Variants in WWOX observed in about 807,000 individuals in gnomAD.
The protein encoded by WWOX is WW domain containing oxidoreductase, also known as WW domain-containing oxidoreductase.
In WWOX, 69 loss-of-function variants were observed where a neutral mutation model predicts 46.2. The ratio of observed to expected loss-of-function variants is 1.49; its 90% CI spans 1.23 to 1.82. WWOX has a LOEUF of 1.82. WWOX is among the 40% of genes most tolerant of loss of function. The pLI, the probability that WWOX is intolerant of heterozygous loss-of-function variation, is 0.00. For missense variants in WWOX, 919 were observed against 542.6 expected, an observed-to-expected ratio of 1.69 and a Z score of -6.89; for synonymous variants, 359 against 202.6, an observed-to-expected ratio of 1.77 and a Z score of -6.56.
intron 8 of WWOX, among the ~76,000 whole-genome samples, chr16:78,874,213 G>A (rs138308506): frequency 4.3e-4 from 64 of 149,062 alleles, no homozygotes; most frequent in African/African-American, 1.3e-3. Context: ...CTGAGATGGC[G>A]CCGCTGCACT....
chr16:78,834,333 T>C (rs2051915912), intron 8 of WWOX, among the ~76,000 whole-genome samples: 2 of 152,186 alleles, frequency 1.3e-5, no homozygotes, highest in Non-Finnish European at 2.9e-5. Context: ...AAGGGGTTAA[T>C]TTATAAAGTG....
In WWOX at chr16:79,198,414, C is replaced by G. The variant is rs575355617; in HGVS notation, c.1057-13194C>G. ...AATAAATCCTCCCGCTTTTTTTGCTCCTTCATGGGTATGGCTGCATCCTCT... is the reference window on the plus strand; with the variant it reads ...AATAAATCCTCCCGCTTTTTTTGCTGCTTCATGGGTATGGCTGCATCCTCT... On this transcript the variant is annotated intron_variant, in intron 8 of 8. Coordinates refer to ENST00000566780, the MANE Select transcript of WWOX (RefSeq NM_016373.4). 4.6e-5 allele frequency among the ~76,000 whole-genome samples: 7 copies of G among 151,722 alleles called. No individual in the cohort carries two copies. In the South Asian group the frequency reaches 6.2e-4, roughly 14 times the overall value.
chr16:78,441,537 C>T lies in WWOX; in HGVS notation c.1056+8785C>T, dbSNP rs144246459. Reference sequence around the variant, plus strand: ...TCAAATGACATGTAAGGGACGTATCCAGCGGTGTGGGTATGTTTGGAGGGA... The same window carrying T: ...TCAAATGACATGTAAGGGACGTATCTAGCGGTGTGGGTATGTTTGGAGGGA... On this transcript the variant is annotated intron_variant, in intron 8 of 8. Transcript: ENST00000566780. 1.3e-3 allele frequency among the ~76,000 whole-genome samples: 201 copies of T among 152,166 alleles called. 1 individual carries two copies. Among genetic ancestry groups the T allele is most frequent in the African/African-American group, 4.6e-3 (190 of 41,518 alleles).
intron 8 of WWOX, among the ~76,000 whole-genome samples, chr16:78,959,483 C>A (rs1289711610): frequency 6.6e-6 from 1 of 152,184 alleles, no homozygotes; most frequent in East Asian, 1.9e-4. Flanking sequence ...GGTTAGCCAT[C>A]CATCTATCTG....
At chr16:78,421,777 C>G (rs956307268) in intron 6 of WWOX, among the ~76,000 whole-genome samples, 11 of 152,138 alleles carry the variant, frequency 7.2e-5, no homozygotes, top group African/African-American at 2.4e-4. Context: ...CATGTGCTGA[C>G]AATTCTAAAC....
intron 5 of WWOX, among the ~76,000 whole-genome samples, chr16:78,230,185 C>G (rs950929851): frequency 6.6e-6 from 1 of 150,756 alleles, no homozygotes; most frequent in African/African-American, 2.4e-5. Flanking sequence ...CGTGCCCGGC[C>G]TTACGTTTCA....
chr16:78,936,886 C>T (rs936361469), intron 8 of WWOX, among the ~76,000 whole-genome samples: 1 of 152,148 alleles, frequency 6.6e-6, no homozygotes, highest in Non-Finnish European at 1.5e-5. Context: ...TACAGGGTGT[C>T]ACCTGCTAAA....
chr16:78,384,395 C>T (rs1051239613), intron 5 of WWOX, among the ~76,000 whole-genome samples: 3 of 152,004 alleles, frequency 2.0e-5, no homozygotes, highest in African/African-American at 7.2e-5. Context: ...GAGGCATCAG[C>T]GTCTCTGTGG....
intron 8 of WWOX, among the ~76,000 whole-genome samples, chr16:78,464,830 C>A (rs911903152): frequency 2.2e-4 from 34 of 152,146 alleles, no homozygotes; most frequent in African/African-American, 8.0e-4. Flanking sequence ...TAAGGAGAAT[C>A]AGAGAAAGAA....
chr16:78,144,779 C>G (rs532923211), intron 4 of WWOX, among the ~76,000 whole-genome samples: 1 of 151,810 alleles, frequency 6.6e-6, no homozygotes, highest in Admixed American at 6.6e-5. Context: ...CCTTGGCCTA[C>G]CAAAGTGCTG....
intron 8 of WWOX, among the ~76,000 whole-genome samples, chr16:78,719,136 C>T (rs1597488086): frequency 6.6e-6 from 1 of 152,316 alleles, no homozygotes; most frequent in African/African-American, 2.4e-5. Flanking sequence ...CATGTATCAT[C>T]TGTGTGATTG....
At chr16:78,488,349 G>A (rs1369311913) in intron 8 of WWOX, among the ~76,000 whole-genome samples, 1 of 152,144 alleles carries the variant, frequency 6.6e-6, no homozygotes, top group Non-Finnish European at 1.5e-5. Context: ...AGGTGGCTGA[G>A]TTCATTTTCT....
At chr16:78,461,743 A>G (rs2083955529) in intron 8 of WWOX, among the ~76,000 whole-genome samples, 1 of 152,218 alleles carries the variant, frequency 6.6e-6, no homozygotes, top group Non-Finnish European at 1.5e-5. Context: ...TACCTTATTT[A>G]TGATCGTCGA....
intron 8 of WWOX, among the ~76,000 whole-genome samples, chr16:78,774,177 C>T (rs144439948): frequency 5.6e-4 from 86 of 152,234 alleles, no homozygotes; most frequent in African/African-American, 1.9e-3. Context: ...CCAAGGCAGG[C>T]AGATCATGAG....
chr16:79,182,750 G>C (rs1469247493), intron 8 of WWOX, among the ~76,000 whole-genome samples: 11 of 152,272 alleles, frequency 7.2e-5, no homozygotes, highest in Admixed American at 4.6e-4. Context: ...GCATAGTTTT[G>C]TTATGAGGAG....
chr16:78,664,654 T>C (rs1253124639), intron 8 of WWOX, among the ~76,000 whole-genome samples: 1 of 152,204 alleles, frequency 6.6e-6, no homozygotes, highest in African/African-American at 2.4e-5. Flanking sequence ...TCCGTATCAG[T>C]GTGTCTAGGA....
intron 8 of WWOX, among the ~76,000 whole-genome samples, chr16:78,597,908 G>C (rs2045529118): frequency 6.6e-6 from 1 of 151,650 alleles, no homozygotes; most frequent in Admixed American, 6.6e-5. Flanking sequence ...AGCCTTTTCA[G>C]ACACTGTAAA....
At chr16:78,121,270 CCTA>C (rs760541099) in intron 4 of WWOX, among the ~76,000 whole-genome samples, 16 of 152,250 alleles carry the variant, frequency 1.1e-4, no homozygotes, top group Non-Finnish European at 2.2e-4. Context: ...AACATTTGTG[CCTA>C]CTATTATCTT....
intron 6 of WWOX, among the ~76,000 whole-genome samples, chr16:78,414,887 C>G (rs1390485567): frequency 6.6e-6 from 1 of 152,068 alleles, no homozygotes; most frequent in Non-Finnish European, 1.5e-5. Context: ...GGGTCCCAAT[C>G]TAGACCCCAA....
Sources: allele counts gnomAD v4.1 joint callset (sites outside exome capture counted in the v4.1 genomes callset), GRCh38; gene constraint gnomAD v4.1.1; transcripts MANE v1.5; gene names NCBI Gene and HGNC (gene_info 2026-07-23, HGNC 2026-07-21).